Variants in CNBD1 observed in about 807,000 individuals in gnomAD.
The protein encoded by CNBD1 is cyclic nucleotide binding domain containing 1.
CNBD1 carries 71 observed loss-of-function variants against 54.4 expected under a neutral mutation model. The observed-to-expected ratio is 1.30, with a 90% CI of 1.08 to 1.59. The LOEUF (loss-of-function observed/expected upper bound fraction) is 1.59, where lower values mean the gene tolerates loss of function less well. CNBD1 is among the 40% of genes most tolerant of loss of function. The pLI is 0.00. For missense variants in CNBD1, 659 were observed against 518.0 expected (o/e 1.27, Z -2.64); for synonymous variants, 182 against 170.7 (o/e 1.07, Z -0.51).
chr8:87,336,001 A>G (rs757308916), intron 8 of CNBD1, among the ~76,000 whole-genome samples: 29 of 152,040 alleles, frequency 1.9e-4, no homozygotes, highest in Non-Finnish European at 2.9e-4. Context: ...AAATTCTTTT[A>G]TTTAAGAATG....
chr8:87,417,707 CTA>C (rs1324130740), intron 2 of CNBD1, among the ~76,000 whole-genome samples: 1 of 151,546 alleles, frequency 6.6e-6, no homozygotes, highest in African/African-American at 2.4e-5. Context: ...AAAGAACAGT[CTA>C]AAAATGAAAT....
At chr8:87,288,268 A>C (rs1323911310) in intron 8 of CNBD1, among the ~76,000 whole-genome samples, 1 of 151,694 alleles carries the variant, frequency 6.6e-6, no homozygotes, top group Non-Finnish European at 1.5e-5. Flanking sequence ...GCTATTTTTC[A>C]TGGTTGCTTT....
intron 4 of CNBD1, among the ~76,000 whole-genome samples, chr8:87,196,130 G>A (rs752660724): frequency 5.9e-5 from 9 of 152,130 alleles, no homozygotes; most frequent in East Asian, 3.9e-4. Context: ...AAAATTTGGG[G>A]TGGAGTAACT....
intron 3 of CNBD1, among the ~76,000 whole-genome samples, chr8:86,915,083 G>A (rs1210305008): frequency 1.3e-5 from 2 of 152,078 alleles, no homozygotes; most frequent in Non-Finnish European, 2.9e-5. Flanking sequence ...TGGGGGCTAG[G>A]GTTTCTCAAA....
intron 4 of CNBD1, among the ~76,000 whole-genome samples, chr8:87,095,149 T>C (rs1811292788): frequency 6.6e-6 from 1 of 152,244 alleles, no homozygotes; most frequent in African/African-American, 2.4e-5. Flanking sequence ...ACCTTCAGAT[T>C]AAAGCAAGGT....
chr8:87,096,097 C>T (rs1811314338), intron 4 of CNBD1, among the ~76,000 whole-genome samples: 1 of 152,200 alleles, frequency 6.6e-6, no homozygotes, highest in Admixed American at 6.5e-5. Context: ...TCAGGCCTTT[C>T]CATGTACAGG....
At chr8:86,960,807 G>A (rs145900480) in intron 4 of CNBD1, among the ~76,000 whole-genome samples, 421 of 152,270 alleles carry the variant, frequency 2.8e-3, no homozygotes, top group African/African-American at 9.4e-3. Flanking sequence ...GGATCAGGCA[G>A]CAACATCTTC....
At chr8:87,077,448 A>G (rs906107463) in intron 4 of CNBD1, among the ~76,000 whole-genome samples, 25 of 145,490 alleles carry the variant, frequency 1.7e-4, no homozygotes, top group African/African-American at 5.7e-4. Context: ...TTTAAGTTCA[A>G]TGTGCACAAT....
rs577898484 is a variant in CNBD1, at chr8:87,254,426, A to G, written c.771+17314A>G. On this transcript the variant is annotated intron_variant, in intron 6 of 10. Coordinates refer to ENST00000518476, the MANE Select transcript of CNBD1 (RefSeq NM_173538.3). ...TTGTGATATAATTTTTGTCATGATA[A>G]GTATTATAACATGATTAAAATAGGA... Among the ~76,000 whole-genome samples, 11 of 152,342 alleles carry G rather than the reference A, an allele frequency of 7.2e-5. No homozygotes were observed. In the South Asian group the frequency reaches 2.3e-3, roughly 32 times the overall value.
rs1808996719 is a variant in CNBD1 at position 86,905,089 on chromosome 8, T to C, written c.167T>C (p.Met56Thr). The C allele has an allele frequency of 6.2e-7, 1 of 1,601,908 alleles. No individual in the cohort carries two copies. The highest frequency in any genetic ancestry group is 8.5e-7 in the Non-Finnish European group (1 of 1,170,760). Residue 56 changes from methionine (M) to threonine (T), a missense_variant, in exon 3 of 11, where the codon ATG (methionine) becomes ACG (threonine). Met to Thr is a moderately conservative substitution (Grantham distance 81). Transcript: ENST00000518476. ...TCTCTCTTCTTTTTAAGCCGGAGTA[T>C]GAGCAATATCTTATCAGCTCACGAT... ...CHIRGQHSRS[M>T]SNILSAHDTF...
At chr8:86,869,376 G>A (rs954647952) in intron 1 of CNBD1, among the ~76,000 whole-genome samples, 2 of 151,696 alleles carry the variant, frequency 1.3e-5, no homozygotes, top group South Asian at 2.1e-4. Context: ...GCAGCATTCC[G>A]GGTTGCCCCT....
intron 10 of CNBD1, among the ~76,000 whole-genome samples, chr8:87,367,950 T>C (rs1254348216): frequency 6.6e-6 from 1 of 152,002 alleles, no homozygotes; most frequent in Non-Finnish European, 1.5e-5. Context: ...GGCAGGTGGA[T>C]CACGAGGTCA....
downstream of CNBD1, among the ~76,000 whole-genome samples, chr8:87,384,192 C>T (rs756945026): frequency 5.3e-5 from 8 of 151,750 alleles, no homozygotes; most frequent in Non-Finnish European, 1.2e-4. Flanking sequence ...TCTAATGGAC[C>T]CCTGCTAAAT....
At chr8:87,264,727 A>G (rs975207016) in intron 6 of CNBD1, among the ~76,000 whole-genome samples, 1 of 151,950 alleles carries the variant, frequency 6.6e-6, no homozygotes. Context: ...TGTGGTTTTG[A>G]TTTTCATTCC....
chr8:86,955,055 T>C (rs1419994794), intron 4 of CNBD1, among the ~76,000 whole-genome samples: 2 of 148,752 alleles, frequency 1.3e-5, no homozygotes, highest in African/African-American at 4.9e-5. Context: ...CATTGTTCAT[T>C]TCCCACCGAT....
chr8:87,297,163 C>CAA (rs555582073), intron 8 of CNBD1, among the ~76,000 whole-genome samples: 187 of 87,944 alleles, frequency 2.1e-3, no homozygotes, highest in African/African-American at 3.6e-3. Context: ...GGGTCCGTCT[C>CAA]AAAAAAAAAA....
At chr8:87,098,745 AAAAAC>A (rs1367915841) in intron 4 of CNBD1, among the ~76,000 whole-genome samples, 1 of 128,510 alleles carries the variant, frequency 7.8e-6, no homozygotes, top group African/African-American at 3.0e-5. Flanking sequence ...AAAAAAAAAA[AAAAAC>A]TCCTGGGCCA....
intron 5 of CNBD1, among the ~76,000 whole-genome samples, chr8:87,206,972 G>A (rs1279852816): frequency 8.1e-6 from 1 of 123,976 alleles, no homozygotes; most frequent in African/African-American, 2.5e-5. Flanking sequence ...TCAAGATCAT[G>A]ACATTTAAAA....
intron 4 of CNBD1, among the ~76,000 whole-genome samples, chr8:87,044,312 T>C (rs1810136325): frequency 6.6e-6 from 1 of 152,124 alleles, no homozygotes; most frequent in Non-Finnish European, 1.5e-5. Context: ...AATCTGGATA[T>C]ATCCTTGGAT....
Sources: gnomAD v4.1 joint callset for allele counts (sites outside exome capture counted in the v4.1 genomes callset) on GRCh38, gnomAD v4.1.1 for gene constraint, MANE v1.5 for transcripts, NCBI Gene and HGNC (gene_info 2026-07-23, HGNC 2026-07-21) for gene names.